SHANK2: variants seen among roughly 807,000 people sequenced by gnomAD.
SHANK2 encodes the protein SH3 and multiple ankyrin repeat domains 2.
Under a neutral mutation model 133.7 loss-of-function variants are expected in SHANK2, and 43 were observed. The observed-to-expected ratio is 0.32, with a 90% CI of 0.25 to 0.41. The LOEUF (loss-of-function observed/expected upper bound fraction) is 0.41, where lower values mean the gene tolerates loss of function less well. Ranked by LOEUF, SHANK2 falls within the 10% of genes least tolerant of loss-of-function variation. SHANK2 has a pLI of 1.00. For synonymous variants in SHANK2, 1,017 were observed against 952.8 expected (o/e 1.07, Z -1.24); for missense variants, 1,994 against 2,235.8 (o/e 0.89, Z 2.18).
intron 16 of SHANK2, 69 bp downstream of exon 16, chr11:70,661,527 A>T (rs2061489281): frequency 3.3e-5 from 11 of 328,822 alleles, no homozygotes; most frequent in South Asian, 2.9e-4. Context: ...ACACACACAC[A>T]CACACACACA....
chr11:70,602,231 C>T (rs562152188), intron 17 of SHANK2, among the ~76,000 whole-genome samples: 6 of 152,320 alleles, frequency 3.9e-5, no homozygotes, highest in African/African-American at 1.4e-4. Flanking sequence ...AGGCACCATG[C>T]TTCTTGTACA....
chr11:70,534,529 CACAG>C (rs2059520080), intron 17 of SHANK2, among the ~76,000 whole-genome samples: 1 of 152,190 alleles, frequency 6.6e-6, no homozygotes, highest in African/African-American at 2.4e-5. Flanking sequence ...TGTCCCCATT[CACAG>C]ACAGAAGCCA....
chr11:71,160,265 C>A, intron 2 of SHANK2, among the ~76,000 whole-genome samples: 1 of 152,142 alleles, frequency 6.6e-6, no homozygotes, highest in East Asian at 1.9e-4. Context: ...GTCATCCCCC[C>A]TTAAAGCAGC....
intron 17 of SHANK2, among the ~76,000 whole-genome samples, chr11:70,638,408 G>A (rs781945608): frequency 2.6e-4 from 39 of 152,214 alleles, no homozygotes; most frequent in Non-Finnish European, 4.9e-4. Context: ...AGATGGGAAA[G>A]CTGAGGGTCT....
chr11:70,595,377 A>T (rs1394094810), intron 17 of SHANK2, among the ~76,000 whole-genome samples: 1 of 152,210 alleles, frequency 6.6e-6, no homozygotes, highest in East Asian at 1.9e-4. Flanking sequence ...AGCAACTTGG[A>T]ATTTAATAAA....
chr11:70,799,339 T>C (rs1176438785), intron 13 of SHANK2, among the ~76,000 whole-genome samples: 1 of 151,946 alleles, frequency 6.6e-6, no homozygotes, highest in Non-Finnish European at 1.5e-5. Context: ...AAGATGGAAG[T>C]TGCAGTGAGC....
rs959055343 is a variant in SHANK2 at position 70,882,240 on chromosome 11, G to A, written c.1174+14261C>T. 1.2e-4 allele frequency among the ~76,000 whole-genome samples: 18 copies of A among 152,104 alleles called. No homozygotes were observed. Among genetic ancestry groups the A allele is most frequent in the African/African-American group, 2.4e-4 (10 of 41,416 alleles). On this transcript the variant is annotated intron_variant, in intron 11 of 25. Transcript: ENST00000601538. The surrounding 1 kb of genome is among the most constrained non-coding windows in gnomAD (Gnocchi z 4.2). ...AGAAGGAAGTGGAGGAGAGAAGAAC[G>A]GGTGGCTCTGCTCGGCCCATTCACC...
At chr11:70,920,227 ACT>A (rs1481042534) in intron 10 of SHANK2, among the ~76,000 whole-genome samples, 15 of 152,114 alleles carry the variant, frequency 9.9e-5, no homozygotes, top group African/African-American at 3.6e-4. Context: ...TTTTAAAAGC[ACT>A]CTCTATAAAT....
At chr11:71,148,682 C>G (rs1235998210) in intron 2 of SHANK2, among the ~76,000 whole-genome samples, 1 of 152,228 alleles carries the variant, frequency 6.6e-6, no homozygotes, top group Non-Finnish European at 1.5e-5. Flanking sequence ...TGTTTAGGGA[C>G]CCCTTGATCA....
At chr11:70,898,919 C>A (rs1187163336) in intron 10 of SHANK2, among the ~76,000 whole-genome samples, 3 of 152,142 alleles carry the variant, frequency 2.0e-5, no homozygotes, top group Non-Finnish European at 2.9e-5. Flanking sequence ...GGAGATAAGA[C>A]AAATGAAAGA....
intron 3 of SHANK2, among the ~76,000 whole-genome samples, chr11:71,146,023 A>G (rs185789798): frequency 6.7e-4 from 102 of 152,312 alleles, no homozygotes; most frequent in African/African-American, 2.4e-3. Context: ...TTGGATGTCT[A>G]CCATGTCTAC....
chr11:70,908,252 C>T (rs1168375490), intron 10 of SHANK2, among the ~76,000 whole-genome samples: 1 of 152,192 alleles, frequency 6.6e-6, no homozygotes, highest in Non-Finnish European at 1.5e-5. Flanking sequence ...CACGTGACTG[C>T]GTTTAAGTGG....
chr11:70,805,724 A>G (rs1948143925), intron 13 of SHANK2, among the ~76,000 whole-genome samples: 1 of 152,240 alleles, frequency 6.6e-6, no homozygotes, highest in Non-Finnish European at 1.5e-5. Flanking sequence ...AGATCTTGGC[A>G]AATAAAAGGC....
chr11:70,656,945 A>G (rs2061412843), intron 17 of SHANK2, among the ~76,000 whole-genome samples: 1 of 152,228 alleles, frequency 6.6e-6, no homozygotes, highest in South Asian at 2.1e-4. Context: ...AAATCATGAC[A>G]GGCACCAAGG....
chr11:70,719,667 G>A (rs181280805), intron 14 of SHANK2, among the ~76,000 whole-genome samples: 1 of 152,070 alleles, frequency 6.6e-6, no homozygotes, highest in East Asian at 1.9e-4. Flanking sequence ...GGGGGCTGCT[G>A]CTGCTCACTG....
intron 11 of SHANK2, among the ~76,000 whole-genome samples, chr11:70,866,410 G>A (rs574716984): frequency 4.7e-4 from 72 of 152,266 alleles, no homozygotes; most frequent in African/African-American, 1.7e-3. Flanking sequence ...GGCTAATTAG[G>A]ATTCTGAGAA....
intron 11 of SHANK2, 136 bp from the exon 12 acceptor site, chr11:70,820,818 G>C (rs1948503198): frequency 3.6e-6 from 2 of 551,706 alleles, no homozygotes; most frequent in East Asian, 6.0e-5. Flanking sequence ...TGTGAGTTCT[G>C]GGCCGAGACC....
chr11:70,921,902 C>A (rs546898192), intron 10 of SHANK2, among the ~76,000 whole-genome samples: 8 of 152,252 alleles, frequency 5.3e-5, no homozygotes, highest in African/African-American at 1.7e-4. Context: ...ACTAGTCATT[C>A]CCACAGACAG....
chr11:70,496,564 G>GA (rs2058973652), intron 21 of SHANK2, among the ~76,000 whole-genome samples: 2 of 152,248 alleles, frequency 1.3e-5, no homozygotes, highest in Admixed American at 1.3e-4. Context: ...GAATCTGGTG[G>GA]AAGTTCTGGG....
Sources: allele counts gnomAD v4.1 joint callset (sites outside exome capture counted in the v4.1 genomes callset), GRCh38; gene constraint gnomAD v4.1.1; non-coding constraint Gnocchi (gnomAD v3.1); transcripts MANE v1.5; gene names NCBI Gene and HGNC (gene_info 2026-07-23, HGNC 2026-07-21).